The following BICDL1 variants were observed in gnomAD, a reference collection of about 807,000 sequenced individuals.
The protein encoded by BICDL1 is BICD family like cargo adaptor 1.
In BICDL1, 20 loss-of-function variants were observed where a neutral mutation model predicts 76.8. The ratio of observed to expected loss-of-function variants is 0.26; its 90% CI spans 0.18 to 0.38. BICDL1 has a LOEUF of 0.38. Ranked by LOEUF, BICDL1 falls within the 10% of genes least tolerant of loss-of-function variation. The pLI is 1.00. For synonymous variants in BICDL1, 383 were observed against 337.1 expected (o/e 1.14, Z -1.49); for missense variants, 700 against 798.6 (o/e 0.88, Z 1.49).
At chr12:120,015,637 A>C (rs1477194924) in intron 2 of BICDL1, among the ~76,000 whole-genome samples, 1 of 152,220 alleles carries the variant, frequency 6.6e-6, no homozygotes, top group Admixed American at 6.5e-5. Context: ...CTTATCTGGA[A>C]ACTTCGTATG....
intron 2 of BICDL1, among the ~76,000 whole-genome samples, chr12:120,012,190 G>T (rs1439733553): frequency 1.3e-5 from 2 of 152,178 alleles, no homozygotes; most frequent in African/African-American, 4.8e-5. Context: ...AGGTTGAGAT[G>T]ATTGGTGCCA....
chr12:120,024,083 T>C (rs1952239678), intron 2 of BICDL1, among the ~76,000 whole-genome samples: 1 of 152,004 alleles, frequency 6.6e-6, no homozygotes, highest in African/African-American at 2.4e-5. Flanking sequence ...TGTTCGAGAC[T>C]AGCCTGGACA....
intron 2 of BICDL1, among the ~76,000 whole-genome samples, chr12:120,028,430 C>A (rs1233427215): frequency 6.6e-6 from 1 of 151,986 alleles, no homozygotes; most frequent in African/African-American, 2.4e-5. Flanking sequence ...CTCTCAGCAC[C>A]TTGAGAGGCC....
At chr12:120,067,393 G>C (rs1015115003) in intron 4 of BICDL1, among the ~76,000 whole-genome samples, 5 of 152,248 alleles carry the variant, frequency 3.3e-5, no homozygotes, top group African/African-American at 1.2e-4. Context: ...CACCATCCCA[G>C]TTCCCTTAGA....
At chr12:120,057,420 A>C (rs1380730527) in intron 2 of BICDL1, among the ~76,000 whole-genome samples, 1 of 152,184 alleles carries the variant, frequency 6.6e-6, no homozygotes, top group African/African-American at 2.4e-5. Context: ...AAGGTTCTTC[A>C]AAGAACCTCT....
intron 9 of BICDL1, chr12:120,091,772 T>C: frequency 1.0e-6 from 1 of 985,220 alleles, no homozygotes; most frequent in Non-Finnish European, 1.2e-6. Flanking sequence ...GCAGAGATAT[T>C]AGAATGACAC....
At chr12:120,031,364 T>C (rs868439614) in intron 2 of BICDL1, among the ~76,000 whole-genome samples, 125 of 152,102 alleles carry the variant, frequency 8.2e-4, no homozygotes, top group African/African-American at 2.9e-3. Flanking sequence ...CCACCATGCC[T>C]GGCTAATTTT....
chr12:120,089,442 A>G (rs1161333984), intron 8 of BICDL1, among the ~76,000 whole-genome samples: 2 of 151,732 alleles, frequency 1.3e-5, no homozygotes, highest in Non-Finnish European at 2.9e-5. Flanking sequence ...ATGGAGTGCA[A>G]TGGTGCAATC....
In BICDL1 at chr12:119,989,427, C is replaced by T. The variant is rs1178725697; in HGVS notation, c.-442C>T. Among the ~76,000 whole-genome samples the T allele has an allele frequency of 2.7e-5, 4 of 149,418 alleles. No homozygotes were observed. Among genetic ancestry groups the T allele is most frequent in the Admixed American group, 1.3e-4 (2 of 15,092 alleles). ...GAAGCGTCGCGGCGACAGCGGAGCG[C>T]AGCCCGCCCCGTGAGGCGCTGCCCG... On this transcript the variant is annotated 5_prime_UTR_variant, in exon 1 of 10. An upstream open reading frame in the 5' UTR gains an earlier in-frame stop. Transcript: ENST00000548673.
chr12:120,076,265 G>C (rs1160539653), intron 7 of BICDL1, among the ~76,000 whole-genome samples: 1 of 152,226 alleles, frequency 6.6e-6, no homozygotes, highest in Non-Finnish European at 1.5e-5. Context: ...TTTGGCCAGA[G>C]AGTGATTCAG....
At chr12:120,088,960 G>A (rs147720519) in intron 8 of BICDL1, among the ~76,000 whole-genome samples, 26 of 152,328 alleles carry the variant, frequency 1.7e-4, no homozygotes, top group Non-Finnish European at 2.6e-4. Context: ...CACCGCACCC[G>A]GCCTACTTTA....
chr12:120,064,692 G>T (rs760714823), intron 3 of BICDL1, 41 bp from the exon 4 acceptor site: 11 of 1,566,876 alleles, frequency 7.0e-6, no homozygotes, highest in African/African-American at 2.7e-5. Flanking sequence ...GTCAGCCCGG[G>T]TGTAACTCCA....
At chr12:119,992,109 GA>G (rs1951536475) in intron 1 of BICDL1, among the ~76,000 whole-genome samples, 1 of 152,130 alleles carries the variant, frequency 6.6e-6, no homozygotes, top group South Asian at 2.1e-4. Flanking sequence ...GATCATTGTT[GA>G]AACTCAGTGA....
At chr12:119,993,887 A>T (rs1325609832) in intron 1 of BICDL1, among the ~76,000 whole-genome samples, 1 of 152,200 alleles carries the variant, frequency 6.6e-6, no homozygotes, top group East Asian at 1.9e-4. Context: ...AAGTGCTGGG[A>T]TTATAGGCGT....
chr12:120,061,260 AGG>A (rs1441414366), intron 2 of BICDL1, among the ~76,000 whole-genome samples: 4 of 152,350 alleles, frequency 2.6e-5, no homozygotes, highest in Admixed American at 6.5e-5. Context: ...TGTTAAGTAG[AGG>A]AGAGAAATGC....
In BICDL1 at chr12:120,093,370, GGCCCACCGCCTGGCCAA is replaced by G. The variant is rs1875151574; in HGVS notation, c.*216_*232del. ...GCCTTGGCCACTGAAGGCTTCCCTT[GGCCCACCGCCTGGCCAA>G]GCCCACGCCTGGGCTTCTCCAGGAC... On this transcript the variant is annotated 3_prime_UTR_variant, in exon 10 of 10. Transcript: ENST00000548673. 7 of 611,428 alleles carry G rather than the reference GGCCCACCGCCTGGCCAA, an allele frequency of 1.1e-5. No individual in the cohort carries two copies. Among genetic ancestry groups the G allele is most frequent in the Non-Finnish European group, 2.0e-5 (7 of 357,576 alleles). 37.9% of individuals were successfully genotyped at this position (611,428 alleles called of 1,614,324 possible). A position where few individuals can be genotyped will look rare whatever the true frequency, so the allele number is the denominator to read the frequency against.
intron 2 of BICDL1, chr12:120,057,237 A>T (rs1952993635): frequency 2.4e-6 from 1 of 412,960 alleles, no homozygotes; most frequent in South Asian, 1.8e-5. Context: ...CTGGTCTCGA[A>T]CTCCTGAGCT....
chr12:120,090,214 C>T, intron 9 of BICDL1, 143 bp downstream of exon 9: 2 of 953,378 alleles, frequency 2.1e-6, no homozygotes, highest in Non-Finnish European at 3.1e-6. Flanking sequence ...TGGCAAGATC[C>T]AGAGCTCATG....
intron 2 of BICDL1, among the ~76,000 whole-genome samples, chr12:120,028,618 G>C (rs1952357563): frequency 6.6e-6 from 1 of 152,314 alleles, no homozygotes; most frequent in Non-Finnish European, 1.5e-5. Context: ...GGAGGTTGCA[G>C]TGAGATGAGA....
Sources: gnomAD v4.1 joint callset for allele counts (sites outside exome capture counted in the v4.1 genomes callset) on GRCh38, gnomAD v4.1.1 for gene constraint, MANE v1.5 for transcripts, NCBI Gene and HGNC (gene_info 2026-07-23, HGNC 2026-07-21) for gene names.